OTUD7A: variants seen among roughly 807,000 people sequenced by gnomAD.
The protein encoded by OTUD7A is OTU domain-containing protein 7A.
A neutral mutation model predicts 65.7 loss-of-function variants in OTUD7A; 12 were observed. The observed-to-expected ratio is 0.18, with a 90% CI of 0.12 to 0.30. The LOEUF (loss-of-function observed/expected upper bound fraction) is 0.30, where lower values mean the gene tolerates loss of function less well. Ranked by LOEUF, OTUD7A falls within the 10% of genes least tolerant of loss-of-function variation. The pLI is 1.00. For missense variants in OTUD7A, 1,148 were observed against 1,304.8 expected (o/e 0.88, Z 1.85); for synonymous variants, 641 against 586.3 (o/e 1.09, Z -1.35).
chr15:31,703,420 C>A lies in OTUD7A; in HGVS notation c.-99-46343G>T, dbSNP rs1001712745. ...CATTAGAAAATTGGCAAAAAAACCA[C>A]AAAGAGACATTTCACTGAAGAGAAG... is the stretch of plus-strand genomic sequence containing the variant. On this transcript the variant is annotated intron_variant, in intron 1 of 12. Coordinates refer to ENST00000307050, the MANE Select transcript of OTUD7A (RefSeq NM_001382637.1). 4.3e-4 allele frequency among the ~76,000 whole-genome samples: 66 copies of A among 151,746 alleles called. 1 individual carries two copies. The highest frequency in any genetic ancestry group is 6.9e-4 in the Non-Finnish European group (47 of 67,864).
chr15:31,862,352 C>CT (rs1175782324), intron 1 of OTUD7A, among the ~76,000 whole-genome samples: 1 of 152,204 alleles, frequency 6.6e-6, no homozygotes, highest in Non-Finnish European at 1.5e-5. Flanking sequence ...ACTATCTACT[C>CT]TGAGTGAGAG....
At chr15:31,689,088 A>AT (rs1303369443) in intron 1 of OTUD7A, among the ~76,000 whole-genome samples, 3 of 145,294 alleles carry the variant, frequency 2.1e-5, no homozygotes, top group African/African-American at 7.6e-5. Flanking sequence ...CAGATGACAA[A>AT]TTTTGCACTG....
chr15:31,617,673 T>TA (rs1435014439), intron 3 of OTUD7A, among the ~76,000 whole-genome samples: 1 of 152,170 alleles, frequency 6.6e-6, no homozygotes, highest in Non-Finnish European at 1.5e-5. Context: ...TAGTTACCTC[T>TA]GGGGAGAAAG....
At chr15:31,720,401 ATTT>A in intron 1 of OTUD7A, among the ~76,000 whole-genome samples, 1 of 132,924 alleles carries the variant, frequency 7.5e-6, no homozygotes. Flanking sequence ...CAGTAACTTC[ATTT>A]TTTTTTTTTT....
At chr15:31,831,880 T>C (rs1233555392) in intron 1 of OTUD7A, among the ~76,000 whole-genome samples, 6 of 152,208 alleles carry the variant, frequency 3.9e-5, no homozygotes, top group East Asian at 3.9e-4. Context: ...TGACTGCCCA[T>C]TGTGGATCCC....
chr15:31,671,154 C>T (rs1278112234), intron 1 of OTUD7A, among the ~76,000 whole-genome samples: 7 of 152,156 alleles, frequency 4.6e-5, no homozygotes, highest in Non-Finnish European at 1.0e-4. Flanking sequence ...CCCATGCCTA[C>T]GTCCTAGATG....
At chr15:31,861,182 G>A (rs1175123895) in intron 1 of OTUD7A, among the ~76,000 whole-genome samples, 1 of 151,998 alleles carries the variant, frequency 6.6e-6, no homozygotes, top group Non-Finnish European at 1.5e-5. Flanking sequence ...AGGCAGCTGC[G>A]GTTCTTCATT....
chr15:31,801,233 C>T (rs966182297), intron 1 of OTUD7A, among the ~76,000 whole-genome samples: 4 of 152,202 alleles, frequency 2.6e-5, no homozygotes, highest in Admixed American at 6.5e-5. Flanking sequence ...GAGTCGGCCT[C>T]GAACCCCAGG....
At chr15:31,790,190 C>A (rs1475761901) in intron 1 of OTUD7A, among the ~76,000 whole-genome samples, 1 of 152,192 alleles carries the variant, frequency 6.6e-6, no homozygotes, top group Non-Finnish European at 1.5e-5. Flanking sequence ...GACATCATGG[C>A]TCCTACATGG....
chr15:31,496,284 C>T (rs1281434449), intron 10 of OTUD7A, among the ~76,000 whole-genome samples: 10 of 151,180 alleles, frequency 6.6e-5, no homozygotes, highest in Admixed American at 4.6e-4. Flanking sequence ...TGCAGTGGCA[C>T]GATCTTGGCT....
Position 31,868,279 on chromosome 15 carries a change from T to C in OTUD7A, c.-100+2228A>G, listed in dbSNP as rs62002757. Among the ~76,000 whole-genome samples the C allele has an allele frequency of 8.1e-3, 1,228 of 152,304 alleles. 4 individuals are homozygous for C. The highest frequency in any genetic ancestry group is 0.013 in the Non-Finnish European group (894 of 68,020). ...ATGTTTTGGGGAAATAAGTGACCCATACCTAAAGATTTAGTGGAAACACTT... is the reference window on the plus strand; with the variant it reads ...ATGTTTTGGGGAAATAAGTGACCCACACCTAAAGATTTAGTGGAAACACTT... On this transcript the variant is annotated intron_variant, in intron 1 of 12. Coordinates refer to ENST00000307050, the MANE Select transcript of OTUD7A (RefSeq NM_001382637.1).
chr15:31,607,452 C>T (rs1890269449), intron 3 of OTUD7A, among the ~76,000 whole-genome samples: 1 of 152,138 alleles, frequency 6.6e-6, no homozygotes, highest in Non-Finnish European at 1.5e-5. Flanking sequence ...TTACTAATGT[C>T]CTCACCCCAG....
At chr15:31,810,548 G>A (rs1172127081) in intron 1 of OTUD7A, among the ~76,000 whole-genome samples, 1 of 152,164 alleles carries the variant, frequency 6.6e-6, no homozygotes, top group Non-Finnish European at 1.5e-5. Context: ...TCTGCAAGCT[G>A]AGGAGAGAGC....
intron 3 of OTUD7A, among the ~76,000 whole-genome samples, chr15:31,616,627 C>T (rs372297711): frequency 5.7e-4 from 87 of 152,286 alleles, no homozygotes; most frequent in Middle Eastern, 3.4e-3. Flanking sequence ...TCACTGAAAC[C>T]TCCACCTCCC....
At chr15:31,779,675 T>C (rs1895484834) in intron 1 of OTUD7A, among the ~76,000 whole-genome samples, 1 of 152,126 alleles carries the variant, frequency 6.6e-6, no homozygotes, top group Non-Finnish European at 1.5e-5. Context: ...TGGCTCCTAG[T>C]GCAACTTCCT....
intron 1 of OTUD7A, among the ~76,000 whole-genome samples, chr15:31,820,725 T>C (rs1896657706): frequency 6.6e-6 from 1 of 152,196 alleles, no homozygotes; most frequent in African/African-American, 2.4e-5. Context: ...CTCCAGGAAT[T>C]TGAAATCAGG....
At chr15:31,768,050 T>C in intron 1 of OTUD7A, 1 of 1,602,588 alleles carries the variant, frequency 6.2e-7, no homozygotes. Context: ...ATAAAGCCAA[T>C]CCCCTGCTTC....
intron 8 of OTUD7A, among the ~76,000 whole-genome samples, chr15:31,514,558 A>G (rs1297344291): frequency 1.3e-5 from 2 of 152,198 alleles, no homozygotes; most frequent in African/African-American, 4.8e-5. Context: ...CACAAAGTTA[A>G]TTCTATTTGC....
intron 1 of OTUD7A, among the ~76,000 whole-genome samples, chr15:31,826,994 C>G (rs1037563078): frequency 1.3e-5 from 2 of 152,238 alleles, no homozygotes; most frequent in African/African-American, 4.8e-5. Context: ...CAACAAGTCT[C>G]TAGGAGGTTC....
Sources: allele counts gnomAD v4.1 joint callset (sites outside exome capture counted in the v4.1 genomes callset), GRCh38; gene constraint gnomAD v4.1.1; transcripts MANE v1.5; gene names NCBI Gene and HGNC (gene_info 2026-07-23, HGNC 2026-07-21).